SYT14: variants seen among roughly 807,000 people sequenced by gnomAD.
The protein encoded by SYT14 is synaptotagmin-14.
SYT14 carries 32 observed loss-of-function variants against 74.2 expected under a neutral mutation model. That is an observed-to-expected ratio of 0.43 (90% CI 0.33 to 0.58). The LOEUF (loss-of-function observed/expected upper bound fraction) is 0.58. Ranked by LOEUF, SYT14 falls within the 20% of genes least tolerant of loss-of-function variation. The pLI, the probability that SYT14 is intolerant of heterozygous loss-of-function variation, is 0.05. For missense variants in SYT14, 791 were observed against 981.8 expected, an observed-to-expected ratio of 0.81 and a Z score of 2.60; for synonymous variants, 298 against 337.7, an observed-to-expected ratio of 0.88 and a Z score of 1.29.
At chr1:210,087,080 C>T (rs375657700) in intron 5 of SYT14, among the ~76,000 whole-genome samples, 2 of 152,142 alleles carry the variant, frequency 1.3e-5, no homozygotes, top group African/African-American at 2.4e-5. Context: ...CTCTGATATC[C>T]GAGGTCAGCT....
intron 5 of SYT14, among the ~76,000 whole-genome samples, chr1:210,030,696 A>G (rs377322731): frequency 6.6e-6 from 1 of 152,040 alleles, no homozygotes; most frequent in Non-Finnish European, 1.5e-5. Flanking sequence ...GTCTTTTATC[A>G]TTGAGTATGA....
At chr1:210,104,387 G>A (rs980261688) in intron 7 of SYT14, among the ~76,000 whole-genome samples, 10 of 152,096 alleles carry the variant, frequency 6.6e-5, no homozygotes, top group Admixed American at 1.3e-4. Context: ...CAGAGTTAGC[G>A]TCTGTTGTTT....
intron 5 of SYT14, among the ~76,000 whole-genome samples, chr1:210,048,826 C>T (rs1353355913): frequency 1.3e-5 from 2 of 152,186 alleles, no homozygotes; most frequent in Admixed American, 6.5e-5. Flanking sequence ...GCAGTAAAAT[C>T]AAAAGCAAGT....
At chr1:210,143,552 A>G (rs984988256) in intron 7 of SYT14, among the ~76,000 whole-genome samples, 4 of 152,108 alleles carry the variant, frequency 2.6e-5, no homozygotes, top group African/African-American at 4.8e-5. Context: ...TCAATATTTT[A>G]CCATCTATAT....
chr1:210,094,404 C>G (rs1266699870), exon 6 of SYT14: 11 of 1,613,786 alleles, frequency 6.8e-6, no homozygotes, highest in Non-Finnish European at 8.5e-6. Flanking sequence ...GTGGTTCTCC[C>G]CATCTGTCAT....
At chr1:210,131,503 G>T (rs1233805677) in intron 7 of SYT14, among the ~76,000 whole-genome samples, 1 of 151,490 alleles carries the variant, frequency 6.6e-6, no homozygotes, top group African/African-American at 2.4e-5. Context: ...TTTCGTAGAG[G>T]CAAGACTTAT....
intron 2 of SYT14, among the ~76,000 whole-genome samples, chr1:209,968,074 T>C (rs1024056962): frequency 6.6e-6 from 1 of 152,210 alleles, no homozygotes; most frequent in Non-Finnish European, 1.5e-5. Flanking sequence ...TATTTCAGTA[T>C]GTAAACAATC....
At chr1:210,059,437 T>TAGAGAGAGAG in intron 5 of SYT14, among the ~76,000 whole-genome samples, 2 of 93,430 alleles carry the variant, frequency 2.1e-5, no homozygotes, top group Non-Finnish European at 4.1e-5. Flanking sequence ...AATATATATA[T>TAGAGAGAGAG]ATATATATAT....
At chr1:210,106,506 T>G (rs1287038484) in intron 7 of SYT14, among the ~76,000 whole-genome samples, 2 of 152,134 alleles carry the variant, frequency 1.3e-5, no homozygotes, top group African/African-American at 4.8e-5. Flanking sequence ...GGGAGGCATC[T>G]TGAAACTTAC....
intron 2 of SYT14, among the ~76,000 whole-genome samples, chr1:210,003,710 C>T (rs2079941481): frequency 6.6e-6 from 1 of 152,142 alleles, no homozygotes; most frequent in South Asian, 2.1e-4. Context: ...AGCTTGCTGA[C>T]CAGTCACTTG....
chr1:209,952,273 G>A (rs2078924282), intron 1 of SYT14, among the ~76,000 whole-genome samples: 1 of 152,050 alleles, frequency 6.6e-6, no homozygotes, highest in East Asian at 1.9e-4. Flanking sequence ...GTGGGTTGTT[G>A]GAGAATATAT....
intron 2 of SYT14, among the ~76,000 whole-genome samples, chr1:209,979,080 C>A (rs1303864963): frequency 2.0e-5 from 3 of 152,132 alleles, no homozygotes; most frequent in Non-Finnish European, 4.4e-5. Flanking sequence ...TGGGAGTGAC[C>A]CAATTTTCCG....
At chr1:209,974,686 G>T (rs1270747237) in intron 2 of SYT14, among the ~76,000 whole-genome samples, 1 of 151,998 alleles carries the variant, frequency 6.6e-6, no homozygotes, top group East Asian at 1.9e-4. Context: ...GATTGACTTG[G>T]CAATGCGGGC....
chr1:210,161,377 G>T, exon 10 of SYT14: 1 of 463,896 alleles, frequency 2.2e-6, no homozygotes, highest in South Asian at 1.6e-5. Flanking sequence ...AATTATAAGT[G>T]ATTTTAAAAA....
chr1:210,043,837 A>G (rs944415507), intron 5 of SYT14, among the ~76,000 whole-genome samples: 3 of 152,162 alleles, frequency 2.0e-5, no homozygotes, highest in Non-Finnish European at 2.9e-5. Flanking sequence ...CACAGTATAT[A>G]TGGTATTTAA....
chr1:209,951,058 A>G (rs192352710), intron 1 of SYT14, among the ~76,000 whole-genome samples: 17 of 152,348 alleles, frequency 1.1e-4, no homozygotes, highest in Non-Finnish European at 2.9e-5. Context: ...GTTTTGATAT[A>G]TGGATACATT....
chr1:209,984,065 T>C (rs772203529), intron 2 of SYT14, among the ~76,000 whole-genome samples: 10 of 152,192 alleles, frequency 6.6e-5, no homozygotes, highest in Non-Finnish European at 8.8e-5. Flanking sequence ...CATCTGGAAA[T>C]AGCCACTGTT....
chr1:210,145,863 C>T (rs1312166677), intron 7 of SYT14, among the ~76,000 whole-genome samples: 12 of 152,178 alleles, frequency 7.9e-5, no homozygotes, highest in Admixed American at 5.9e-4. Context: ...CAGAGTTAAT[C>T]ATATCCACAT....
intron 2 of SYT14, among the ~76,000 whole-genome samples, chr1:209,990,549 G>GTATATATATATATACATATATATATGTA: frequency 3.5e-5 from 2 of 56,892 alleles, no homozygotes; most frequent in Non-Finnish European, 9.4e-5. Context: ...GTATATATAT[G>GTATATATATATATACATATATATATGTA]TATATATATA....
Sources: allele counts gnomAD v4.1 joint callset (sites outside exome capture counted in the v4.1 genomes callset), GRCh38; gene constraint gnomAD v4.1.1; transcripts MANE v1.5; gene names NCBI Gene and HGNC (gene_info 2026-07-23, HGNC 2026-07-21).